Variants in ZNF609 observed in about 807,000 individuals in gnomAD.
ZNF609 encodes zinc finger protein 609.
ZNF609 carries 11 observed loss-of-function variants against 109.5 expected under a neutral mutation model. The ratio of observed to expected loss-of-function variants is 0.10; its 90% confidence interval spans 0.06 to 0.17. The LOEUF is 0.17. ZNF609 is among the 10% of genes least tolerant of loss of function. ZNF609 has a pLI of 1.00. For synonymous variants in ZNF609, 646 were observed against 662.0 expected (o/e 0.98, Z 0.37); for missense variants, 1,559 against 1,772.4 (o/e 0.88, Z 2.16).
At chr15:64,673,711 G>A (rs1896767768) in intron 4 of ZNF609, among the ~76,000 whole-genome samples, 1 of 152,172 alleles carries the variant, frequency 6.6e-6, no homozygotes, top group Non-Finnish European at 1.5e-5. Context: ...TGGTTTTAGA[G>A]GTAAATGTTT....
At chr15:64,534,993 A>T (rs1183364153) in intron 2 of ZNF609, among the ~76,000 whole-genome samples, 1 of 151,744 alleles carries the variant, frequency 6.6e-6, no homozygotes, top group Admixed American at 6.6e-5. Flanking sequence ...AGATCATGCC[A>T]TTGTACTCTG....
At chr15:64,591,656 A>C (rs1431038792) in intron 2 of ZNF609, among the ~76,000 whole-genome samples, 1 of 151,950 alleles carries the variant, frequency 6.6e-6, no homozygotes, top group African/African-American at 2.4e-5. Context: ...AGGTGGGTAG[A>C]TCGCTTGAGC....
At chr15:64,507,877 A>G (rs1017648367) in intron 2 of ZNF609, among the ~76,000 whole-genome samples, 1 of 152,196 alleles carries the variant, frequency 6.6e-6, no homozygotes, top group Non-Finnish European at 1.5e-5. Context: ...GCCAGACCAT[A>G]TTAATATTTT....
At chr15:64,640,138 G>A (rs1277376942) in intron 3 of ZNF609, among the ~76,000 whole-genome samples, 1 of 152,040 alleles carries the variant, frequency 6.6e-6, no homozygotes, top group Non-Finnish European at 1.5e-5. Flanking sequence ...GGCCAGGATG[G>A]TGTTGATCTC....
intron 2 of ZNF609, among the ~76,000 whole-genome samples, chr15:64,616,514 C>CTTTTTT (rs56145140): frequency 1.3e-4 from 9 of 66,940 alleles, no homozygotes; most frequent in Admixed American, 2.4e-4. Flanking sequence ...AAACTGATAT[C>CTTTTTT]TTTTTTTTTT....
intron 2 of ZNF609, among the ~76,000 whole-genome samples, chr15:64,606,875 G>A (rs1405482504): frequency 6.6e-6 from 1 of 151,612 alleles, no homozygotes; most frequent in African/African-American, 2.4e-5. Flanking sequence ...TGGGCGTGGT[G>A]GCTCATGCCT....
At chr15:64,507,135 G>C (rs1893649402) in intron 2 of ZNF609, among the ~76,000 whole-genome samples, 1 of 152,118 alleles carries the variant, frequency 6.6e-6, no homozygotes, top group Non-Finnish European at 1.5e-5. Flanking sequence ...CATATCCCTG[G>C]CATGGGGTTG....
Position 64,674,435 on chromosome 15 carries a change from G to A in ZNF609, c.1581G>A (p.Pro527=), listed in dbSNP as rs746377995. Residue 527 remains proline (P), a synonymous_variant, in exon 5 of 10, where the codon CCG becomes CCA. Transcript: ENST00000326648. ...CCCATACAGATGATGACAGCAAGCC[G>A]GAAGCGGATGGGGACAGTGAGTACG... ...AHAHTDDDSK[P]EADGDSEYGE... is the part of the protein sequence containing the mutation. The A allele has an allele frequency of 9.3e-6, 15 of 1,614,036 alleles. No homozygotes were observed. The highest frequency in any genetic ancestry group is 1.3e-5 in the African/African-American group (1 of 74,898).
intron 2 of ZNF609, chr15:64,529,609 G>A (rs1894024688): frequency 1.6e-6 from 2 of 1,237,436 alleles, no homozygotes; most frequent in African/African-American, 3.0e-5. Flanking sequence ...GTTAAAAGCA[G>A]TCATGGTGCA....
rs1026596162 is a variant in ZNF609, at chr15:64,615,716, A to T, written c.748-7111A>T. ...TGGTCAGGCTGGTCTTGAACTCGTG[A>T]CATCAGGTGATCCACCTGCCTCGGC... On this transcript the variant is annotated intron_variant, in intron 2 of 9. Transcript: ENST00000326648. Among the ~76,000 whole-genome samples, 58 of 152,022 alleles carry T rather than the reference A, an allele frequency of 3.8e-4. 1 individual carries two copies. Among genetic ancestry groups the T allele is most frequent in the Admixed American group, 2.7e-3 (41 of 15,258 alleles).
At chr15:64,672,231 C>G (rs980022791) in intron 4 of ZNF609, among the ~76,000 whole-genome samples, 12 of 149,774 alleles carry the variant, frequency 8.0e-5, no homozygotes, top group African/African-American at 2.9e-4. Context: ...CCAGGATGGT[C>G]TCGATCTCCT....
At chr15:64,611,882 G>A (rs1439589186) in intron 2 of ZNF609, among the ~76,000 whole-genome samples, 1 of 151,384 alleles carries the variant, frequency 6.6e-6, no homozygotes, top group Non-Finnish European at 1.5e-5. Context: ...ACAGGCTCCC[G>A]CCACCATGCC....
rs186521919 is a variant in ZNF609 at position 64,470,150 on chromosome 15, T to G, written c.-128+9312T>G. On this transcript the variant is annotated intron_variant, in intron 1 of 9. Transcript: ENST00000326648. Reference sequence around the variant, plus strand: ...AGGGTCTTACCCAGCCTTGACCTAGTGGGTTCACCTCAGCCTTCCAAGTAG... The same window carrying G: ...AGGGTCTTACCCAGCCTTGACCTAGGGGGTTCACCTCAGCCTTCCAAGTAG... The G allele has an allele frequency of 5.9e-5, 9 of 152,300 alleles. No individual in the cohort carries two copies. The East Asian group carries it at 1.7e-3, about 29-fold the overall frequency. 9.4% of individuals were successfully genotyped at this position (152,300 alleles called of 1,614,324 possible). A position where few individuals can be genotyped will look rare whatever the true frequency, so the allele number is the denominator to read the frequency against.
At chr15:64,676,697 G>A (rs1217853972) in intron 5 of ZNF609, among the ~76,000 whole-genome samples, 2 of 151,900 alleles carry the variant, frequency 1.3e-5, no homozygotes, top group Non-Finnish European at 2.9e-5. Flanking sequence ...GCCTCCCAGA[G>A]TGCTGGGATT....
intron 2 of ZNF609, among the ~76,000 whole-genome samples, chr15:64,534,104 C>T (rs1336469695): frequency 6.6e-6 from 1 of 151,620 alleles, no homozygotes; most frequent in South Asian, 2.1e-4. Context: ...CTCTGCCTCC[C>T]GGGTTGAAGC....
At chr15:64,467,981 A>T (rs1333763901) in intron 1 of ZNF609, among the ~76,000 whole-genome samples, 2 of 151,762 alleles carry the variant, frequency 1.3e-5, no homozygotes, top group Non-Finnish European at 2.9e-5. Flanking sequence ...ATATTGTCTA[A>T]GAGTGTTATG....
intron 2 of ZNF609, among the ~76,000 whole-genome samples, chr15:64,520,229 T>C (rs1463769574): frequency 6.6e-6 from 1 of 152,138 alleles, no homozygotes; most frequent in Non-Finnish European, 1.5e-5. Context: ...TATTTGGGGC[T>C]AGGGTAATTC....
Position 64,675,682 on chromosome 15 carries a change from T to C in ZNF609, c.2828T>C (p.Ile943Thr), listed in dbSNP as rs1171807443. Reference sequence around the variant, plus strand: ...ATAGAAGGGAAAGTGAAGAACGATATCTGTGAAGAAAAGAAGCCCGAGCTG... The same window carrying C: ...ATAGAAGGGAAAGTGAAGAACGATACCTGTGAAGAAAAGAAGCCCGAGCTG... The part of the protein sequence containing the change: ...ESIEGKVKND[I>T]CEEKKPELSS... Residue 943 changes from isoleucine (I) to threonine (T), a missense_variant, in exon 5 of 10, where the codon ATC becomes ACC. Ile to Thr is a moderately conservative substitution (Grantham distance 89). This residue lies in a region of ZNF609 where 1,204 missense variants were observed against 1,314.1 expected (regional missense o/e 0.92). Transcript: ENST00000326648. 3 of 1,613,860 alleles carry C rather than the reference T, an allele frequency of 1.9e-6. No homozygotes were observed. Among genetic ancestry groups the C allele is most frequent in the Admixed American group, 1.7e-5 (1 of 60,010 alleles).
intron 2 of ZNF609, among the ~76,000 whole-genome samples, chr15:64,573,332 A>G (rs1894890170): frequency 7.8e-6 from 1 of 128,478 alleles, no homozygotes; most frequent in Non-Finnish European, 1.6e-5. Flanking sequence ...CAGTAGAGTT[A>G]GTGGCCCAAC....
Sources: allele counts gnomAD v4.1 joint callset (sites outside exome capture counted in the v4.1 genomes callset), GRCh38; gene constraint gnomAD v4.1.1; regional missense constraint gnomAD v4.1.1; transcripts MANE v1.5; gene names NCBI Gene and HGNC (gene_info 2026-07-23, HGNC 2026-07-21).